Variants in MAGI2 observed in about 807,000 individuals in gnomAD.
MAGI2 encodes membrane-associated guanylate kinase, WW and PDZ domain-containing protein 2.
Under a neutral mutation model 133.3 loss-of-function variants are expected in MAGI2, and 35 were observed. The ratio of observed to expected loss-of-function variants is 0.26; its 90% CI spans 0.20 to 0.35. The LOEUF is 0.35. Ranked by LOEUF, MAGI2 falls within the 10% of genes least tolerant of loss-of-function variation. The pLI, the probability that MAGI2 is intolerant of heterozygous loss-of-function variation, is 1.00. For synonymous variants in MAGI2, 729 were observed against 710.6 expected (o/e 1.03, Z -0.41); for missense variants, 1,636 against 1,863.4 (o/e 0.88, Z 2.25).
At chr7:79,317,909 C>G (rs1018251657) in intron 1 of MAGI2, among the ~76,000 whole-genome samples, 3 of 152,178 alleles carry the variant, frequency 2.0e-5, no homozygotes, top group Non-Finnish European at 4.4e-5. Context: ...GACACATTTT[C>G]TCCTGGCTTC....
intron 2 of MAGI2, among the ~76,000 whole-genome samples, chr7:78,775,238 G>A (rs755034898): frequency 1.5e-4 from 22 of 149,670 alleles, no homozygotes; most frequent in Admixed American, 3.4e-4. Flanking sequence ...GTGTGAACCC[G>A]GGAGGCAGAG....
intron 20 of MAGI2, among the ~76,000 whole-genome samples, chr7:78,122,090 G>GAAATGTCA (rs1229727989): frequency 6.6e-6 from 1 of 152,196 alleles, no homozygotes; most frequent in East Asian, 1.9e-4. Flanking sequence ...AACAACAGAA[G>GAAATGTCA]AAATGTCAAG....
intron 1 of MAGI2, among the ~76,000 whole-genome samples, chr7:79,132,725 A>G (rs1413611269): frequency 6.6e-6 from 1 of 152,088 alleles, no homozygotes. Context: ...TTTAAACTGT[A>G]TTGTTTTTCA....
At chr7:79,298,944 A>T (rs192243708) in intron 1 of MAGI2, among the ~76,000 whole-genome samples, 76 of 152,296 alleles carry the variant, frequency 5.0e-4, no homozygotes, top group Non-Finnish European at 9.3e-4. Context: ...TCAGGCTTCT[A>T]ATCTCCAAAA....
In MAGI2 at chr7:78,075,373, A is replaced by C. The variant is rs371888937; in HGVS notation, c.3706+3574T>G. On this transcript the variant is annotated intron_variant, in intron 21 of 21. Coordinates refer to ENST00000354212, the MANE Select transcript of MAGI2 (RefSeq NM_012301.4). ...GTATTTTCACTATATTGATGTAATA[A>C]ATCTTTTTTTTTTTTTTTTTTGAGA... Among the ~76,000 whole-genome samples, 171 of 147,888 alleles carry C rather than the reference A, an allele frequency of 1.2e-3. 5 individuals carry two copies. The South Asian group carries it at 0.015, about 13-fold the overall frequency.
At position 79,078,830 on chromosome 7, in the gene MAGI2, C is replaced by T. The variant is rs899811464; in HGVS notation, c.302-71624G>A. ...TAGCCCATGTGTATGTGTGAGTTTG[C>T]GTGCATATAAATGTGTGTATGTGCG... On this transcript the variant is annotated intron_variant, in intron 1 of 21. Transcript: ENST00000354212. Among the ~76,000 whole-genome samples, 3 of 152,178 alleles carry T rather than the reference C, an allele frequency of 2.0e-5. No individual in the cohort carries two copies. The East Asian group carries it at 5.8e-4, about 29-fold the overall frequency.
chr7:79,404,434 C>T (rs1016172682), intron 1 of MAGI2, among the ~76,000 whole-genome samples: 3 of 152,108 alleles, frequency 2.0e-5, no homozygotes, highest in Non-Finnish European at 2.9e-5. Flanking sequence ...CTCCTGGCTT[C>T]AAATGGTCCT....
chr7:78,972,808 T>A lies in MAGI2; in HGVS notation c.418+34282A>T, dbSNP rs564507189. ...GTATTTGGTCATTTTTCCTAAAAAA[T>A]TATATTCATAAAAATATCTTTTTAA... On this transcript the variant is annotated intron_variant, in intron 2 of 21. Transcript: ENST00000354212. Among the ~76,000 whole-genome samples, 315 of 151,998 alleles carry A rather than the reference T, an allele frequency of 2.1e-3. 1 individual carries two copies. Among genetic ancestry groups the A allele is most frequent in the African/African-American group, 7.2e-3 (298 of 41,510 alleles).
chr7:78,275,742 G>T (rs1794999502), intron 9 of MAGI2, among the ~76,000 whole-genome samples: 1 of 152,182 alleles, frequency 6.6e-6, no homozygotes, highest in Non-Finnish European at 1.5e-5. Context: ...AAAGGCAGAA[G>T]AATTATTAGT....
chr7:79,060,630 G>A (rs1813639043), intron 1 of MAGI2, among the ~76,000 whole-genome samples: 1 of 152,058 alleles, frequency 6.6e-6, no homozygotes, highest in African/African-American at 2.4e-5. Context: ...ATGTGTTGGA[G>A]AGTGACATAG....
chr7:78,070,642 ATATT>A (rs1814576042), intron 21 of MAGI2, among the ~76,000 whole-genome samples: 1 of 94,032 alleles, frequency 1.1e-5, no homozygotes, highest in East Asian at 5.5e-4. Context: ...ATATATATAT[ATATT>A]TTTTTTTTTT....
chr7:78,352,619 G>A (rs557620255), intron 7 of MAGI2, among the ~76,000 whole-genome samples: 4 of 152,124 alleles, frequency 2.6e-5, no homozygotes, highest in African/African-American at 9.7e-5. Flanking sequence ...CTGGACATGA[G>A]GGTGTCTATG....
intron 1 of MAGI2, among the ~76,000 whole-genome samples, chr7:79,450,170 G>C (rs1849143894): frequency 6.6e-6 from 1 of 151,784 alleles, no homozygotes; most frequent in African/African-American, 2.4e-5. Flanking sequence ...TCTCATTAAT[G>C]TTTTAAAAAC....
At chr7:78,642,911 A>C (rs1047618893) in intron 2 of MAGI2, among the ~76,000 whole-genome samples, 4 of 152,156 alleles carry the variant, frequency 2.6e-5, no homozygotes, top group South Asian at 2.1e-4. Flanking sequence ...ATGTTCTAAA[A>C]ATTTTTGTTG....
chr7:78,050,743 G>C (rs1333265741), intron 21 of MAGI2, among the ~76,000 whole-genome samples: 1 of 151,776 alleles, frequency 6.6e-6, no homozygotes, highest in Non-Finnish European at 1.5e-5. Flanking sequence ...GCATTCTCGG[G>C]GGCCTGTCTG....
intron 10 of MAGI2, among the ~76,000 whole-genome samples, chr7:78,216,112 C>A (rs750402388): frequency 1.3e-4 from 20 of 152,230 alleles, no homozygotes; most frequent in Non-Finnish European, 2.6e-4. Flanking sequence ...CAGGCGTAAT[C>A]TGCCATCATG....
intron 6 of MAGI2, among the ~76,000 whole-genome samples, chr7:78,377,644 T>TAAC (rs2151283830): frequency 1.5e-5 from 1 of 65,096 alleles, no homozygotes; most frequent in Admixed American, 1.5e-4. Context: ...CTGCAAAAAA[T>TAAC]AATAATAATA....
intron 2 of MAGI2, among the ~76,000 whole-genome samples, chr7:78,998,141 A>G (rs1208302670): frequency 3.9e-5 from 6 of 152,184 alleles, no homozygotes. Context: ...AAAAATCTGA[A>G]AGTACATGCA....
rs542887333 is a variant in MAGI2, at chr7:78,655,148, A to G, written c.419-27909T>C. ...ACAAAAATTAAAAATTTTAAAAAGA[A>G]ATTTTAAAAATGCCATTCAGGCAGA... On this transcript the variant is annotated intron_variant, in intron 2 of 21. Coordinates refer to ENST00000354212, the MANE Select transcript of MAGI2 (RefSeq NM_012301.4). Among the ~76,000 whole-genome samples the G allele has an allele frequency of 2.6e-5, 4 of 152,056 alleles. No individual in the cohort carries two copies. The South Asian group carries it at 8.3e-4, about 32-fold the overall frequency.
Sources: allele counts gnomAD v4.1 joint callset (sites outside exome capture counted in the v4.1 genomes callset), GRCh38; gene constraint gnomAD v4.1.1; transcripts MANE v1.5; gene names NCBI Gene and HGNC (gene_info 2026-07-23, HGNC 2026-07-21).